The following NCAN variants were observed in gnomAD, a reference collection of about 807,000 sequenced individuals.
The protein encoded by NCAN is neurocan core protein.
In NCAN, 47 loss-of-function variants were observed where a neutral mutation model predicts 121.8. The observed-to-expected ratio is 0.39, with a 90% CI of 0.31 to 0.49. NCAN has a LOEUF of 0.49. NCAN is among the 20% of genes least tolerant of loss of function. The pLI, the probability that NCAN is intolerant of heterozygous loss-of-function variation, is 0.92. For synonymous variants in NCAN, 633 were observed against 702.0 expected (o/e 0.90, Z 1.55); for missense variants, 1,517 against 1,773.4 (o/e 0.86, Z 2.60).
Position 19,219,672 on chromosome 19 carries a change from C to CAAAAAAAA in NCAN, c.475+369_475+376dup, listed in dbSNP as rs56231208. On this transcript the variant is annotated intron_variant, in intron 3 of 14. Transcript: ENST00000252575. Reference sequence around the variant, plus strand: ...TGGATGACAGAGGGAGACCCTGTCACAAAAAAAAAAAAAAAAAAAAGGAAA... The same window carrying CAAAAAAAA: ...TGGATGACAGAGGGAGACCCTGTCACAAAAAAAAAAAAAAAAAAAAAAAAAAAAGGAAA... 3.5e-3 allele frequency among the ~76,000 whole-genome samples: 171 copies of CAAAAAAAA among 48,562 alleles called. 2 individuals carry two copies. Among genetic ancestry groups the CAAAAAAAA allele is most frequent in the African/African-American group, 7.1e-3 (77 of 10,836 alleles). 31.9% of individuals were successfully genotyped at this position (48,562 alleles called of 152,430 possible). A position where few individuals can be genotyped will look rare whatever the true frequency, so the allele number is the denominator to read the frequency against.
Position 19,228,225 on chromosome 19 carries a change from A to G in NCAN, c.2605A>G (p.Ile869Val). The G allele has an allele frequency of 6.2e-7, 1 of 1,613,908 alleles. No individual in the cohort carries two copies. Among genetic ancestry groups the G allele is most frequent in the Non-Finnish European group, 8.5e-7 (1 of 1,180,018 alleles). The change falls in exon 8 of 15, where the codon ATT becomes GTT. Residue 869 changes from isoleucine (I) to valine (V), a missense_variant. Coordinates refer to ENST00000252575, the MANE Select transcript of NCAN (RefSeq NM_004386.3). Reference sequence around the variant, plus strand: ...CCCTCAGGTGGCCCTGGATACAAGCATTGTGACGCCCCTCACGACCCTGGA... The same window carrying G: ...CCCTCAGGTGGCCCTGGATACAAGCGTTGTGACGCCCCTCACGACCCTGGA... ...LSPQVALDTSIVTPLTTLEQG... is the reference protein window; with the variant it reads ...LSPQVALDTSVVTPLTTLEQG...
chr19:19,242,907 G>A (rs1349031800), intron 12 of NCAN, among the ~76,000 whole-genome samples: 1 of 151,754 alleles, frequency 6.6e-6, no homozygotes, highest in Non-Finnish European at 1.5e-5. Context: ...GGCCAAGGTG[G>A]GTGGATTGCT....
rs542334715 is a variant in NCAN, at chr19:19,230,048, T to TTG, written c.3019+1410_3019+1411insGT. On this transcript the variant is annotated intron_variant, in intron 8 of 14. Transcript: ENST00000252575. The stretch of plus-strand genomic sequence containing the variant: ...TTTTTTTCTGAGTTGCACACTTTTT[T>TTG]TTTGTTTGTTTTTTGAGACTGAGTC... Among the ~76,000 whole-genome samples the TTG allele has an allele frequency of 1.8e-4, 27 of 152,234 alleles. No homozygotes were observed. In the South Asian group the frequency reaches 3.5e-3, roughly 20 times the overall value.
rs1326889571 is a variant in NCAN at position 19,246,531 on chromosome 19, T to G, written c.3637+1074T>G. On this transcript the variant is annotated intron_variant, in intron 13 of 14. Coordinates refer to ENST00000252575, the MANE Select transcript of NCAN (RefSeq NM_004386.3). ...TGCCTTTAAGGATGAGAATAACCAG[T>G]TGTTTTTTGTTTGTTTGTTTGAGAT... Among the ~76,000 whole-genome samples the G allele has an allele frequency of 2.0e-5, 3 of 152,216 alleles. No homozygotes were observed. In the East Asian group the frequency reaches 5.8e-4, roughly 29 times the overall value.
In NCAN at chr19:19,240,673, C is replaced by T. The variant is rs1161680158; in HGVS notation, c.3480C>T (p.Asp1160=). 1 of 1,614,062 alleles carries T rather than the reference C, an allele frequency of 6.2e-7. No individual in the cohort carries two copies. The highest frequency in any genetic ancestry group is 1.7e-5 in the Admixed American group (1 of 60,020). ...RIVERDFQWT[D]NTGLQFENWR... ...TGGAGAGAGATTTCCAGTGGACGGA[C>T]AACACCGGGCTGGTGAGTGGCAGGG... The change falls in exon 12 of 15, where the codon GAC becomes GAT. Residue 1160 remains aspartate (D), a synonymous_variant. Coordinates refer to ENST00000252575, the MANE Select transcript of NCAN (RefSeq NM_004386.3).
chr19:19,219,385 G>A, intron 3 of NCAN, 69 bp downstream of exon 3: 3 of 1,396,972 alleles, frequency 2.1e-6, no homozygotes, highest in Admixed American at 2.7e-5. Flanking sequence ...CCCACCCACT[G>A]AATGTCACCT....
chr19:19,224,100 C>T lies in NCAN; in HGVS notation c.555C>T (p.Ser185=), dbSNP rs994780354. ...AGGCCCAGGAGGCCTGCCGTCTCAG[C>T]TCAGCCATCATTGCAGCCCCTCGGC... is the stretch of plus-strand genomic sequence containing the variant. ...FAEAQEACRL[S]SAIIAAPRHL... is the part of the protein sequence containing the mutation. Residue 185 remains serine (S), a synonymous_variant, in exon 4 of 15, where the codon AGC becomes AGT. Coordinates refer to ENST00000252575, the MANE Select transcript of NCAN (RefSeq NM_004386.3). 7 of 1,608,442 alleles carry T rather than the reference C, an allele frequency of 4.4e-6. No homozygotes were observed. Among genetic ancestry groups the T allele is most frequent in the Non-Finnish European group, 6.0e-6 (7 of 1,175,692 alleles).
intron 1 of NCAN, 77 bp from the exon 2 acceptor site, chr19:19,216,870 G>T: frequency 1.2e-6 from 1 of 809,384 alleles, no homozygotes; most frequent in South Asian, 4.8e-5. Flanking sequence ...GAGTGGGGGA[G>T]TTTGGTCCTG....
At position 19,228,460 on chromosome 19, in the gene NCAN, G is replaced by A. The variant is rs372731221; in HGVS notation, c.2840G>A (p.Gly947Glu). 40 of 1,613,478 alleles carry A rather than the reference G, an allele frequency of 2.5e-5. No individual in the cohort carries two copies. The highest frequency in any genetic ancestry group is 3.1e-5 in the Non-Finnish European group (36 of 1,180,036). Residue 947 changes from glycine (G) to glutamate (E), a missense_variant, in exon 8 of 15, where the codon GGG (glycine) becomes GAG (glutamate). Gly to Glu is a moderately conservative substitution (Grantham distance 98). Transcript: ENST00000252575. ...SVGESASVSS[G>E]EPTVPWDPSS... ...GGCGAGTCTGCCTCAGTTTCCTCAGGGGAGCCTACGGTACCGTGGGACCCC... is the reference window on the plus strand; with the variant it reads ...GGCGAGTCTGCCTCAGTTTCCTCAGAGGAGCCTACGGTACCGTGGGACCCC...
intron 12 of NCAN, among the ~76,000 whole-genome samples, chr19:19,245,034 C>T (rs2060919352): frequency 6.6e-6 from 1 of 152,166 alleles, no homozygotes; most frequent in Admixed American, 6.6e-5. Context: ...TTATCTAACA[C>T]TGATTCATGT....
Position 19,243,612 on chromosome 19 carries a change from C to T in NCAN, c.3493-1701C>T, listed in dbSNP as rs193087869. Among the ~76,000 whole-genome samples the T allele has an allele frequency of 3.6e-4, 54 of 151,228 alleles. No individual in the cohort carries two copies. In the East Asian group the frequency reaches 9.7e-3, roughly 27 times the overall value. On this transcript the variant is annotated intron_variant, in intron 12 of 14. Coordinates refer to ENST00000252575, the MANE Select transcript of NCAN (RefSeq NM_004386.3). Reference sequence around the variant, plus strand: ...GTAATTAGTGCATTAAACTGCACACCGCCTCTTGAACCCGGGAGGCGGAGG... The same window carrying T: ...GTAATTAGTGCATTAAACTGCACACTGCCTCTTGAACCCGGGAGGCGGAGG...
intron 12 of NCAN, among the ~76,000 whole-genome samples, chr19:19,241,541 A>G (rs2060903257): frequency 6.6e-6 from 1 of 152,022 alleles, no homozygotes. Context: ...GGTTCCTCAC[A>G]CAGTTAAACA....
rs781056406 is a variant in NCAN, at chr19:19,225,246, C to T, written c.1048C>T (p.Arg350Cys). ...NRTGFPSPAE[R>C]FDAYCFRAHH... ...GACCGGCTTCCCCTCACCCGCCGAG[C>T]GCTTCGACGCCTACTGCTTCCGAGG... The change falls in exon 6 of 15, where the codon CGC becomes TGC. Residue 350 changes from arginine to cysteine, a missense_variant. Arg to Cys is a radical substitution (Grantham distance 180, BLOSUM62 -3). Coordinates refer to ENST00000252575, the MANE Select transcript of NCAN (RefSeq NM_004386.3). This position sits in a 1 kb window ranked among gnomAD's most constrained non-coding sequence, Gnocchi z 4.0. 15 of 1,556,624 alleles carry T rather than the reference C, an allele frequency of 9.6e-6. No homozygotes were observed.
intron 9 of NCAN, 74 bp downstream of exon 9, chr19:19,233,979 A>G: frequency 1.1e-6 from 1 of 929,704 alleles, no homozygotes; most frequent in Non-Finnish European, 1.7e-6. Flanking sequence ...TCCAGCAGCC[A>G]TGCCCTCAGA....
At chr19:19,223,010 G>C (rs1189746691) in intron 3 of NCAN, among the ~76,000 whole-genome samples, 1 of 152,196 alleles carries the variant, frequency 6.6e-6, no homozygotes, top group Non-Finnish European at 1.5e-5. Flanking sequence ...TTGGGAGGCT[G>C]AGGCAGGAGA....
intron 3 of NCAN, among the ~76,000 whole-genome samples, chr19:19,222,587 A>G (rs1271398921): frequency 6.6e-6 from 1 of 152,134 alleles, no homozygotes; most frequent in Non-Finnish European, 1.5e-5. Flanking sequence ...ACATTCAGCC[A>G]AACATTTATT....
At chr19:19,240,748 G>A (rs2060900501) in intron 12 of NCAN, 63 bp downstream of exon 12, 2 of 1,537,474 alleles carry the variant, frequency 1.3e-6, no homozygotes, top group African/African-American at 2.7e-5. Flanking sequence ...TCTGGCCTCA[G>A]TTTACCCTTT....
At chr19:19,236,569 CT>C (rs1190443786) in intron 10 of NCAN, among the ~76,000 whole-genome samples, 1 of 151,794 alleles carries the variant, frequency 6.6e-6, no homozygotes, top group African/African-American at 2.4e-5. Flanking sequence ...AGTGGAATTG[CT>C]GGGTCATATG....
intron 12 of NCAN, 50 bp downstream of exon 12, chr19:19,240,735 C>A (rs2060900433): frequency 6.4e-6 from 10 of 1,562,292 alleles, no homozygotes; most frequent in African/African-American, 1.4e-5. Flanking sequence ...ATCAGCCCTG[C>A]CATCTGGCCT....
Sources: allele counts gnomAD v4.1 joint callset (sites outside exome capture counted in the v4.1 genomes callset), GRCh38; gene constraint gnomAD v4.1.1; non-coding constraint Gnocchi (gnomAD v3.1); transcripts MANE v1.5; gene names NCBI Gene and HGNC (gene_info 2026-07-23, HGNC 2026-07-21).